Variants in DNAAF4 observed in about 807,000 individuals in gnomAD.
DNAAF4 encodes dynein axonemal assembly factor 4.
In DNAAF4, 43 loss-of-function variants were observed where a neutral mutation model predicts 51.8. The ratio of observed to expected loss-of-function variants is 0.83; its 90% CI spans 0.65 to 1.07. The LOEUF (loss-of-function observed/expected upper bound fraction) is 1.07, where lower values mean the gene tolerates loss of function less well. DNAAF4 is among the 50% of genes least tolerant of loss of function. The pLI is 0.00. For missense variants in DNAAF4, 581 were observed against 493.0 expected, an observed-to-expected ratio of 1.18 and a Z score of -1.69; for synonymous variants, 194 against 165.6, an observed-to-expected ratio of 1.17 and a Z score of -1.32.
chr15:55,487,817 G>A (rs2058513828), intron 4 of DNAAF4, among the ~76,000 whole-genome samples: 1 of 152,130 alleles, frequency 6.6e-6, no homozygotes, highest in African/African-American at 2.4e-5. Flanking sequence ...TCCTTTGTGT[G>A]CCTTATTTTC....
chr15:55,418,750 A>C (rs1208627068), intron 7 of DNAAF4: 24 of 502,082 alleles, frequency 4.8e-5, no homozygotes, highest in Non-Finnish European at 6.8e-6. Flanking sequence ...AATATGTTCA[A>C]AATAGCAAAA....
intron 6 of DNAAF4, among the ~76,000 whole-genome samples, chr15:55,440,642 AGGCGTTG>A (rs749145659): frequency 6.3e-4 from 96 of 151,600 alleles, no homozygotes; most frequent in Non-Finnish European, 1.1e-3. Flanking sequence ...CTGGGATTAC[AGGCGTTG>A]GGCCACTGCA....
At position 55,489,636 on chromosome 15, in the gene DNAAF4, C is replaced by T. The variant is rs543130377; in HGVS notation, c.405+1487G>A. 1.1e-3 allele frequency among the ~76,000 whole-genome samples: 164 copies of T among 144,966 alleles called. 1 individual carries two copies. Among genetic ancestry groups the T allele is most frequent in the South Asian group, 1.0e-2 (46 of 4,614 alleles). On this transcript the variant is annotated intron_variant, in intron 4 of 9. Transcript: ENST00000321149. The stretch of plus-strand genomic sequence containing the variant: ...GTTGCAGTGAGCTGAGATCTCACCA[C>T]TGCACTCCAGCCTGGGCAACAGAGC...
chr15:55,429,802 G>A (rs564219068), downstream of DNAAF4, among the ~76,000 whole-genome samples: 37 of 151,146 alleles, frequency 2.4e-4, no homozygotes, highest in African/African-American at 8.5e-4. Context: ...GGGCAACAAA[G>A]GGAGACTTCC....
downstream of DNAAF4, among the ~76,000 whole-genome samples, chr15:55,427,037 G>A (rs2057436411): frequency 6.6e-6 from 1 of 152,018 alleles, no homozygotes. Context: ...AGAACCAGCT[G>A]TGCAGAAGAC....
At chr15:55,490,243 G>A (rs930121405) in intron 4 of DNAAF4, among the ~76,000 whole-genome samples, 1 of 151,222 alleles carries the variant, frequency 6.6e-6, no homozygotes, top group African/African-American at 2.4e-5. Context: ...TAGATAAGCA[G>A]TTGCCTAGGA....
rs1475754557 is a variant in DNAAF4 at position 55,491,164 on chromosome 15, T to G, written c.364A>C (p.Lys122Gln). 2.5e-6 allele frequency: 4 copies of G among 1,613,994 alleles called. No homozygotes were observed. Among genetic ancestry groups the G allele is most frequent in the Non-Finnish European group, 3.4e-6 (4 of 1,180,022 alleles). ...AGTGCGTATTTTTGATCTTCCCGCT[T>G]TGCTGCAGCTTTTGCTTCTGTAGCT... ...KEATEAKAAA[K>Q]REDQKYALSV... is the part of the protein sequence containing the mutation. The change falls in exon 4 of 10, where the codon AAG becomes CAG. Residue 122 changes from lysine (K) to glutamine (Q), a missense_variant. Transcript: ENST00000321149.
At chr15:55,482,930 C>A (rs2058432403) in intron 4 of DNAAF4, among the ~76,000 whole-genome samples, 1 of 152,076 alleles carries the variant, frequency 6.6e-6, no homozygotes, top group South Asian at 2.1e-4. Flanking sequence ...AAGAAAGCCT[C>A]CCATAAAGAC....
chr15:55,433,902 T>TA (rs1468331044), intron 8 of DNAAF4, among the ~76,000 whole-genome samples: 17 of 9,824 alleles, frequency 1.7e-3, no homozygotes, highest in East Asian at 0.018. Flanking sequence ...ATATTATATA[T>TA]ATTATATATA....
chr15:55,492,547 C>CT (rs919481405), intron 3 of DNAAF4, among the ~76,000 whole-genome samples: 29 of 147,566 alleles, frequency 2.0e-4, no homozygotes, highest in South Asian at 4.3e-4. Flanking sequence ...TTGTGATATA[C>CT]TTTTTTTTTT....
At chr15:55,484,487 G>GAAA (rs781426367) in intron 4 of DNAAF4, among the ~76,000 whole-genome samples, 20 of 104,576 alleles carry the variant, frequency 1.9e-4, no homozygotes, top group Middle Eastern at 5.0e-3. Context: ...TCCGTCTCAG[G>GAAA]AAAAAAAAAA....
intron 6 of DNAAF4, chr15:55,443,278 C>T: frequency 6.5e-7 from 1 of 1,536,256 alleles, no homozygotes; most frequent in Non-Finnish European, 8.9e-7. Flanking sequence ...CGGCTCACTA[C>T]CCGGCAGGCG....
chr15:55,430,554 C>G lies in DNAAF4; in HGVS notation c.*116G>C. 7.4e-7 allele frequency: 1 copy of G among 1,350,348 alleles called. No individual in the cohort carries two copies. The highest frequency in any genetic ancestry group is 9.5e-7 in the Non-Finnish European group (1 of 1,049,472). The allele number at this position is 1,350,348 out of a possible 1,614,324, so 83.6% of individuals were successfully genotyped here. On this transcript the variant is annotated 3_prime_UTR_variant, in exon 10 of 10. Coordinates refer to ENST00000321149, the MANE Select transcript of DNAAF4 (RefSeq NM_130810.4). The stretch of plus-strand genomic sequence containing the variant: ...TAGATTTATAATATTTTGCCCTCAA[C>G]AGAACTAAAGTACTAAACAGAAAGC...
chr15:55,496,743 C>CTT (rs35358181), intron 3 of DNAAF4, among the ~76,000 whole-genome samples: 5 of 147,830 alleles, frequency 3.4e-5, no homozygotes, highest in African/African-American at 9.9e-5. Context: ...GCTCATAAGC[C>CTT]TTTTTTTTTT....
chr15:55,424,897 TTG>T (rs1299677181), intron 7 of DNAAF4, among the ~76,000 whole-genome samples: 5 of 149,900 alleles, frequency 3.3e-5, no homozygotes, highest in African/African-American at 4.9e-5. Flanking sequence ...AGTTTTGCTC[TTG>T]TTGCCCAGGC....
At chr15:55,473,355 A>G (rs1309080347) in intron 4 of DNAAF4, among the ~76,000 whole-genome samples, 1 of 137,316 alleles carries the variant, frequency 7.3e-6, no homozygotes, top group East Asian at 2.1e-4. Flanking sequence ...ATGTGTGTAT[A>G]TATATGTGTG....
intron 7 of DNAAF4, chr15:55,418,472 C>A: frequency 6.6e-7 from 1 of 1,525,906 alleles, no homozygotes; most frequent in South Asian, 1.2e-5. Context: ...ATTTTCAAGC[C>A]ATATCAGAGC....
chr15:55,429,925 C>G (rs993110450), downstream of DNAAF4, among the ~76,000 whole-genome samples: 1 of 151,920 alleles, frequency 6.6e-6, no homozygotes, highest in Non-Finnish European at 1.5e-5. Context: ...CCCAGTGATA[C>G]AACACAAATG....
intron 5 of DNAAF4, among the ~76,000 whole-genome samples, chr15:55,452,854 C>T (rs691447): frequency 0.47 from 71,574 of 151,560 alleles, 18,225 homozygotes; most frequent in East Asian, 0.74. Flanking sequence ...AAATTTAATG[C>T]TGATATAGGT....
Sources: allele counts gnomAD v4.1 joint callset (sites outside exome capture counted in the v4.1 genomes callset), GRCh38; gene constraint gnomAD v4.1.1; transcripts MANE v1.5; gene names NCBI Gene and HGNC (gene_info 2026-07-23, HGNC 2026-07-21).